The following KAZN variants were observed in gnomAD, a reference collection of about 807,000 sequenced individuals.
The protein encoded by KAZN is kazrin, periplakin interacting protein.
In KAZN, 40 loss-of-function variants were observed where a neutral mutation model predicts 87.4. The observed-to-expected ratio is 0.46, with a 90% confidence interval of 0.36 to 0.60. KAZN has a LOEUF of 0.60. Ranked by LOEUF, KAZN falls within the 20% of genes least tolerant of loss-of-function variation. The pLI is 0.00. For missense variants in KAZN, 898 were observed against 1,073.9 expected (o/e 0.84, Z 2.29); for synonymous variants, 466 against 458.3 (o/e 1.02, Z -0.22).
In KAZN at chr1:14,588,237, T is replaced by C. The variant is rs1675976531; in HGVS notation, c.250-10746T>C. The stretch of plus-strand genomic sequence containing the variant: ...TTCCCACAGCACTTTCAAGCAAATC[T>C]GGATTTTGAATCTACCAGCTCATTT... On this transcript the variant is annotated intron_variant, in intron 2 of 16. Transcript: ENST00000636203. Among the ~76,000 whole-genome samples the C allele has an allele frequency of 2.0e-5, 3 of 152,212 alleles. No individual in the cohort carries two copies. The South Asian group carries it at 6.2e-4, about 32-fold the overall frequency.
intron 2 of KAZN, among the ~76,000 whole-genome samples, chr1:14,382,205 A>T (rs960756356): frequency 6.6e-5 from 10 of 152,242 alleles, no homozygotes; most frequent in African/African-American, 2.4e-4. Context: ...AAGGATTGGA[A>T]CAATCAATAT....
intron 1 of KAZN, among the ~76,000 whole-genome samples, chr1:14,108,630 C>T (rs1389422994): frequency 6.6e-6 from 1 of 152,138 alleles, no homozygotes. Context: ...AACTATCTCC[C>T]AGGGAGCAGA....
At chr1:14,547,456 G>C (rs1333684177) in intron 2 of KAZN, among the ~76,000 whole-genome samples, 1 of 152,184 alleles carries the variant, frequency 6.6e-6, no homozygotes, top group Non-Finnish European at 1.5e-5. Context: ...CTATTCAATG[G>C]AGGGGTTGGA....
chr1:14,919,412 G>T (rs1363010729), intron 1 of KAZN, among the ~76,000 whole-genome samples: 1 of 152,210 alleles, frequency 6.6e-6, no homozygotes, highest in Admixed American at 6.5e-5. Context: ...CCTGACCTCA[G>T]GCGATCCACC....
chr1:14,468,996 A>G (rs1668307323), intron 2 of KAZN, among the ~76,000 whole-genome samples: 1 of 152,104 alleles, frequency 6.6e-6, no homozygotes, highest in South Asian at 2.1e-4. Context: ...GTCTCTTTCT[A>G]TCCTCATTCT....
chr1:14,851,090 A>T (rs967368885), intron 1 of KAZN, among the ~76,000 whole-genome samples: 1 of 152,030 alleles, frequency 6.6e-6, no homozygotes, highest in African/African-American at 2.4e-5. Flanking sequence ...CCACCATCAG[A>T]TGTGTCAGTC....
intron 1 of KAZN, among the ~76,000 whole-genome samples, chr1:13,929,202 G>A (rs943025040): frequency 2.0e-5 from 3 of 151,988 alleles, no homozygotes; most frequent in African/African-American, 4.8e-5. Context: ...TTACAAGCAC[G>A]AGCCTGGCCC....
intron 1 of KAZN, among the ~76,000 whole-genome samples, chr1:14,733,904 C>T (rs916586466): frequency 1.3e-5 from 2 of 152,202 alleles, no homozygotes; most frequent in Non-Finnish European, 2.9e-5. Context: ...CTGCAGCCCA[C>T]GCCCCAGCCA....
intron 1 of KAZN, among the ~76,000 whole-genome samples, chr1:14,076,011 G>A (rs1020472971): frequency 2.0e-5 from 3 of 152,202 alleles, no homozygotes; most frequent in African/African-American, 7.2e-5. Context: ...ACTGGGCGCG[G>A]TGGCTCATGC....
chr1:14,397,408 T>C (rs552533992), intron 2 of KAZN, among the ~76,000 whole-genome samples: 1 of 152,316 alleles, frequency 6.6e-6, no homozygotes, highest in South Asian at 2.1e-4. Context: ...TTCTTTTTCA[T>C]GTAAGGACAC....
chr1:14,498,660 C>A (rs896509765), intron 2 of KAZN, among the ~76,000 whole-genome samples: 17 of 151,854 alleles, frequency 1.1e-4, no homozygotes, highest in Admixed American at 9.2e-4. Context: ...CCACTGCACT[C>A]CAGCCTGGGC....
At position 14,773,020 on chromosome 1, in the gene KAZN, C is replaced by G. The variant is rs1252374007; in HGVS notation, c.226+173797C>G. Among the ~76,000 whole-genome samples, 2 of 152,026 alleles carry G rather than the reference C, an allele frequency of 1.3e-5. No homozygotes were observed. The highest frequency in any genetic ancestry group is 2.9e-5 in the Non-Finnish European group (2 of 68,026). ...CCAGCCAAGAGAATGGTATGAATGT[C>G]CACAGGCGGCCTCTTCATGGGGGTC... On this transcript the variant is annotated intron_variant, in intron 1 of 14. Coordinates refer to ENST00000376030, the MANE Select transcript of KAZN (RefSeq NM_201628.3). This position sits in a 1 kb window ranked among gnomAD's most constrained non-coding sequence, Gnocchi z 5.9.
chr1:14,298,052 C>T (rs1654261741), intron 2 of KAZN, among the ~76,000 whole-genome samples: 1 of 152,100 alleles, frequency 6.6e-6, no homozygotes, highest in African/African-American at 2.4e-5. Flanking sequence ...TGGCAAAACC[C>T]CATCTCTACA....
intron 4 of KAZN, among the ~76,000 whole-genome samples, chr1:15,055,336 G>T (rs936569073): frequency 1.3e-5 from 2 of 152,174 alleles, no homozygotes; most frequent in African/African-American, 4.8e-5. Flanking sequence ...AATTAGCCAG[G>T]CATGGTGGCA....
intron 1 of KAZN, among the ~76,000 whole-genome samples, chr1:14,616,313 G>A (rs113263690): frequency 5.1e-4 from 78 of 152,198 alleles, no homozygotes; most frequent in African/African-American, 1.7e-3. Flanking sequence ...GATCTGTGCC[G>A]CAGATCCCAG....
intron 2 of KAZN, among the ~76,000 whole-genome samples, chr1:14,962,552 T>G (rs998762289): frequency 1.4e-4 from 21 of 152,138 alleles, no homozygotes; most frequent in African/African-American, 5.1e-4. Flanking sequence ...ATTCTCCTTC[T>G]CAGGATGGAG....
rs1641372980 is a variant in KAZN at position 13,952,242 on chromosome 1, CAT to C, written c.91+58487_91+58488del. ...AAAGGGTTCTGGTTTGGAGATGACT[CAT>C]GTGGTCTTACACACTGTAGGATGTT... On this transcript the variant is annotated intron_variant, in intron 1 of 16. Coordinates refer to the KAZN transcript ENST00000636203. 2.6e-5 allele frequency among the ~76,000 whole-genome samples: 4 copies of C among 151,904 alleles called. No homozygotes were observed. The South Asian group carries it at 8.3e-4, about 32-fold the overall frequency.
chr1:14,803,770 A>G (rs1295775306), intron 1 of KAZN, among the ~76,000 whole-genome samples: 1 of 152,152 alleles, frequency 6.6e-6, no homozygotes, highest in Non-Finnish European at 1.5e-5. Context: ...TTCTCCACGG[A>G]GGGCTGGCAC....
At chr1:14,331,079 T>C (rs1656824659) in intron 2 of KAZN, among the ~76,000 whole-genome samples, 1 of 152,178 alleles carries the variant, frequency 6.6e-6, no homozygotes, top group Admixed American at 6.5e-5. Context: ...CCCAATGGTG[T>C]GAGCATAAGA....
Sources: allele counts gnomAD v4.1 joint callset (sites outside exome capture counted in the v4.1 genomes callset), GRCh38; gene constraint gnomAD v4.1.1; non-coding constraint Gnocchi (gnomAD v3.1); transcripts MANE v1.5; gene names NCBI Gene and HGNC (gene_info 2026-07-23, HGNC 2026-07-21).